The following SOX5 variants were observed in gnomAD, a reference collection of about 807,000 sequenced individuals.
SOX5 encodes SRY-box transcription factor 5, also known as transcription factor SOX-5.
In SOX5, 9 loss-of-function variants were observed where a neutral mutation model predicts 92.0. The observed-to-expected ratio is 0.10, with a 90% CI of 0.06 to 0.17. The LOEUF (loss-of-function observed/expected upper bound fraction) is 0.17, where lower values mean the gene tolerates loss of function less well. SOX5 is among the 10% of genes least tolerant of loss of function. The pLI is 1.00. For synonymous variants in SOX5, 344 were observed against 336.3 expected (o/e 1.02, Z -0.25); for missense variants, 642 against 944.5 (o/e 0.68, Z 4.20).
At chr12:24,020,980 C>T (rs553779379) in intron 4 of SOX5, among the ~76,000 whole-genome samples, 1 of 152,306 alleles carries the variant, frequency 6.6e-6, no homozygotes, top group East Asian at 1.9e-4. Context: ...AAGTTGGACA[C>T]TGTTGGCAAA....
intron 3 of SOX5, among the ~76,000 whole-genome samples, chr12:24,220,908 A>G (rs556155380): frequency 7.9e-5 from 12 of 152,338 alleles, no homozygotes; most frequent in African/African-American, 2.6e-4. Flanking sequence ...AGTCTGAAGA[A>G]AACATGTATT....
intron 3 of SOX5, among the ~76,000 whole-genome samples, chr12:23,791,989 T>G (rs1232636211): frequency 1.3e-5 from 2 of 152,006 alleles, no homozygotes; most frequent in African/African-American, 4.8e-5. Flanking sequence ...AAATATTAAA[T>G]TATCTCTTTC....
At chr12:24,450,825 A>C (rs966632948) in intron 1 of SOX5, among the ~76,000 whole-genome samples, 1 of 152,022 alleles carries the variant, frequency 6.6e-6, no homozygotes, top group Non-Finnish European at 1.5e-5. Context: ...ATCCAATTAT[A>C]CTCTTTTAGT....
At chr12:24,260,940 A>G (rs1426386818) in intron 3 of SOX5, among the ~76,000 whole-genome samples, 3 of 152,322 alleles carry the variant, frequency 2.0e-5, no homozygotes, top group African/African-American at 7.2e-5. Context: ...TACTTGTGTA[A>G]GCCTTGGACA....
chr12:23,774,774 GA>G (rs139217403), intron 3 of SOX5, among the ~76,000 whole-genome samples: 4 of 149,340 alleles, frequency 2.7e-5, no homozygotes, highest in African/African-American at 4.9e-5. Flanking sequence ...TTTCTCTGAA[GA>G]AAAAAAAATA....
intron 2 of SOX5, among the ~76,000 whole-genome samples, chr12:24,296,615 A>G (rs1288372159): frequency 2.0e-5 from 3 of 152,200 alleles, no homozygotes; most frequent in African/African-American, 7.2e-5. Context: ...GTGAAAAGCA[A>G]TGGTTGTGTC....
intron 6 of SOX5, among the ~76,000 whole-genome samples, chr12:23,727,262 T>C (rs757982287): frequency 3.3e-5 from 5 of 152,042 alleles, no homozygotes; most frequent in Non-Finnish European, 7.4e-5. Context: ...AGCGTCTCAA[T>C]AAAAATATTA....
At chr12:23,669,921 G>T (rs2084477582) in intron 6 of SOX5, among the ~76,000 whole-genome samples, 1 of 152,124 alleles carries the variant, frequency 6.6e-6, no homozygotes, top group Non-Finnish European at 1.5e-5. Flanking sequence ...ATCTTCAGAG[G>T]CCACGCTATG....
chr12:24,071,809 G>C (rs1004476158), intron 4 of SOX5, among the ~76,000 whole-genome samples: 1 of 152,136 alleles, frequency 6.6e-6, no homozygotes, highest in Non-Finnish European at 1.5e-5. Flanking sequence ...CAGAATTAAA[G>C]AATGACGAAA....
intron 4 of SOX5, among the ~76,000 whole-genome samples, chr12:24,020,814 G>A (rs1286608880): frequency 6.6e-6 from 1 of 152,140 alleles, no homozygotes; most frequent in Non-Finnish European, 1.5e-5. Flanking sequence ...TCTTGTCACT[G>A]GACCTGAGAG....
At chr12:23,993,924 C>T (rs1403193194) in intron 4 of SOX5, among the ~76,000 whole-genome samples, 7 of 150,728 alleles carry the variant, frequency 4.6e-5, no homozygotes, top group Non-Finnish European at 8.9e-5. Context: ...TGCATGTATG[C>T]ATGTATGTGT....
intron 4 of SOX5, among the ~76,000 whole-genome samples, chr12:23,997,966 T>G (rs1951195849): frequency 6.6e-6 from 1 of 151,764 alleles, no homozygotes; most frequent in Non-Finnish European, 1.5e-5. Context: ...GGTGGGGGGG[T>G]GCAAGGTGAA....
chr12:24,065,613 C>G (rs1328313759), intron 4 of SOX5, among the ~76,000 whole-genome samples: 1 of 140,386 alleles, frequency 7.1e-6, no homozygotes, highest in East Asian at 2.1e-4. Context: ...CATCACTACA[C>G]TCCAGCCTGG....
chr12:23,582,642 A>G (rs1206127396), intron 9 of SOX5, among the ~76,000 whole-genome samples: 1 of 152,062 alleles, frequency 6.6e-6, no homozygotes, highest in Non-Finnish European at 1.5e-5. Flanking sequence ...ATTCTTTGAT[A>G]GGTATGCTTT....
intron 1 of SOX5, among the ~76,000 whole-genome samples, chr12:24,376,263 A>G (rs372344887): frequency 6.6e-6 from 1 of 152,162 alleles, no homozygotes; most frequent in Admixed American, 6.5e-5. Flanking sequence ...GCAGTGTTGC[A>G]TTGGAACCCG....
chr12:24,288,895 G>T (rs1178891547), intron 2 of SOX5, among the ~76,000 whole-genome samples: 2 of 150,174 alleles, frequency 1.3e-5, no homozygotes, highest in Non-Finnish European at 3.0e-5. Flanking sequence ...TATTCTCAGA[G>T]AACCTTTTAT....
chr12:24,144,747 C>G (rs555495075), intron 4 of SOX5, among the ~76,000 whole-genome samples: 10 of 151,760 alleles, frequency 6.6e-5, no homozygotes, highest in African/African-American at 1.9e-4. Flanking sequence ...GAGGATTGCT[C>G]GGGCCCAGGA....
At chr12:23,795,331 A>C (rs1402204676) in intron 3 of SOX5, among the ~76,000 whole-genome samples, 1 of 152,118 alleles carries the variant, frequency 6.6e-6, no homozygotes, top group Non-Finnish European at 1.5e-5. Flanking sequence ...CTCATAAAAA[A>C]TTCTGGCAAC....
At chr12:23,747,073 CG>C (rs1567432358) in intron 4 of SOX5, among the ~76,000 whole-genome samples, 3 of 151,876 alleles carry the variant, frequency 2.0e-5, no homozygotes, top group Non-Finnish European at 1.5e-5. Context: ...TGCCCAGTCT[CG>C]GGTATGTCTT....
Sources: allele counts gnomAD v4.1 joint callset (sites outside exome capture counted in the v4.1 genomes callset), GRCh38; gene constraint gnomAD v4.1.1; transcripts MANE v1.5; gene names NCBI Gene and HGNC (gene_info 2026-07-23, HGNC 2026-07-21).